Variants in TNKS2 observed in about 807,000 individuals in gnomAD.
TNKS2 encodes the protein poly [ADP-ribose] polymerase tankyrase-2.
Under a neutral mutation model 137.6 loss-of-function variants are expected in TNKS2, and 72 were observed. That is an observed-to-expected ratio of 0.52 (90% CI 0.43 to 0.64). The LOEUF (loss-of-function observed/expected upper bound fraction) is 0.64. TNKS2 is among the 30% of genes least tolerant of loss of function. The probability of loss-of-function intolerance (pLI) is 0.00; values close to 1 mark genes in which losing one functional copy is unlikely to be tolerated. For synonymous variants in TNKS2, 516 were observed against 512.1 expected (o/e 1.01, Z -0.10); for missense variants, 1,049 against 1,410.2 (o/e 0.74, Z 4.10).
At chr10:91,819,612 G>A in intron 5 of TNKS2, 55 bp downstream of exon 5, 1 of 1,292,924 alleles carries the variant, frequency 7.7e-7, no homozygotes, top group South Asian at 1.4e-5. Context: ...TGAAGATAAA[G>A]ATGTGTTTAT....
Position 91,862,939 on chromosome 10 carries a change from T to G in TNKS2, c.3441T>G (p.Ala1147=). 1 of 1,603,530 alleles carries G rather than the reference T, an allele frequency of 6.2e-7. No individual in the cohort carries two copies. Among genetic ancestry groups the G allele is most frequent in the Non-Finnish European group, 8.5e-7 (1 of 1,173,056 alleles). The change falls in exon 27 of 27, where the codon GCT becomes GCG. Residue 1147 remains alanine, a splice_region_variant and synonymous_variant. Coordinates refer to ENST00000371627, the MANE Select transcript of TNKS2 (RefSeq NM_025235.4). ...TTGAATTTATCTTTCTCTTCCAGGCTTATCCTGAGTATTTAATTACTTACC... is the reference window on the plus strand; with the variant it reads ...TTGAATTTATCTTTCTCTTCCAGGCGTATCCTGAGTATTTAATTACTTACC... The part of the protein sequence containing the change: ...AEYVIYRGEQ[A]YPEYLITYQI...
rs566255414 is a variant in TNKS2, at chr10:91,798,613, C to G, written c.-78C>G. ...CCTGAGCGCGTCTTCTCCGGGGGGC[C>G]TCGCCCTCCTGCTCGCGGGGCCGGG... On this transcript the variant is annotated 5_prime_UTR_variant, in exon 1 of 27. Transcript: ENST00000371627. 6 of 1,205,140 alleles carry G rather than the reference C, an allele frequency of 5.0e-6. No homozygotes were observed. The South Asian group carries it at 1.7e-4, about 34-fold the overall frequency. 74.7% of individuals were successfully genotyped at this position (1,205,140 alleles called of 1,614,324 possible).
At chr10:91,846,002 G>A (rs998444372) in intron 18 of TNKS2, 62 bp downstream of exon 18, 12 of 1,385,480 alleles carry the variant, frequency 8.7e-6, no homozygotes, top group Non-Finnish European at 1.1e-5. Flanking sequence ...TTCACTTGAT[G>A]TTATTATAAA....
chr10:91,846,270 C>T (rs1332705295), intron 18 of TNKS2, among the ~76,000 whole-genome samples: 3 of 152,138 alleles, frequency 2.0e-5, no homozygotes, highest in African/African-American at 2.4e-5. Flanking sequence ...GTGCATACAG[C>T]GCAGATGGTA....
intron 1 of TNKS2, among the ~76,000 whole-genome samples, chr10:91,807,612 CAA>C (rs1844368175): frequency 6.6e-6 from 1 of 152,210 alleles, no homozygotes; most frequent in African/African-American, 2.4e-5. Context: ...CAAATGTCAA[CAA>C]ATTGCTCTGT....
chr10:91,798,906 T>A lies in TNKS2; in HGVS notation c.199+17T>A. ...TCGCCGCAGGTAACCGGGGCCAGCGTCCCCTCGCCTCGCTCCAGACCCCAC... is the reference window on the plus strand; with the variant it reads ...TCGCCGCAGGTAACCGGGGCCAGCGACCCCTCGCCTCGCTCCAGACCCCAC... On this transcript the variant is annotated intron_variant, in intron 1 of 26. Coordinates refer to ENST00000371627, the MANE Select transcript of TNKS2 (RefSeq NM_025235.4). 1 of 1,374,766 alleles carries A rather than the reference T, an allele frequency of 7.3e-7. No homozygotes were observed. Among genetic ancestry groups the A allele is most frequent in the South Asian group, 1.7e-5 (1 of 58,996 alleles). 85.2% of individuals were successfully genotyped at this position (1,374,766 alleles called of 1,614,324 possible).
intron 12 of TNKS2, 71 bp from the exon 13 acceptor site, chr10:91,836,848 G>A: frequency 6.5e-7 from 1 of 1,537,870 alleles, no homozygotes; most frequent in Admixed American, 2.1e-5. Context: ...CTGATGAGAT[G>A]CCTTCCATAA....
chr10:91,849,898 T>C (rs990519977), intron 20 of TNKS2, among the ~76,000 whole-genome samples: 1 of 152,184 alleles, frequency 6.6e-6, no homozygotes, highest in Non-Finnish European at 1.5e-5. Context: ...CTGACACTTT[T>C]CTAGCTGCTA....
chr10:91,826,982 A>T, intron 7 of TNKS2, 35 bp from the exon 8 acceptor site: 2 of 1,449,006 alleles, frequency 1.4e-6, no homozygotes, highest in Non-Finnish European at 1.8e-6. Flanking sequence ...TTCTTTTAAA[A>T]ATTGAACATT....
chr10:91,804,466 A>G (rs772440129), intron 1 of TNKS2, among the ~76,000 whole-genome samples: 2 of 152,254 alleles, frequency 1.3e-5, no homozygotes, highest in African/African-American at 4.8e-5. Flanking sequence ...GTGCTGTTCC[A>G]TAATTACAAA....
chr10:91,848,374 G>A lies in TNKS2; in HGVS notation c.2359-9G>A, dbSNP rs370496142. On this transcript the variant is annotated splice_polypyrimidine_tract_variant and intron_variant, in intron 18 of 26. Transcript: ENST00000371627. ...TTATGGCAGATGTTGTCTCTGACAC[G>A]TACCCTAGGCGGATGATGTCAGCGC... 7.7e-4 allele frequency: 1,244 copies of A among 1,611,220 alleles called. 16 individuals are homozygous for A. In the South Asian group the frequency reaches 0.013, roughly 17 times the overall value.
chr10:91,840,521 T>G (rs983323833), intron 13 of TNKS2, 40 bp from the exon 14 acceptor site: 147 of 1,554,826 alleles, frequency 9.5e-5, no homozygotes, highest in Non-Finnish European at 1.2e-4. Flanking sequence ...AATAACAATA[T>G]GTAGATGTAG....
At chr10:91,835,945 C>G (rs1048537104) in intron 12 of TNKS2, among the ~76,000 whole-genome samples, 3 of 147,368 alleles carry the variant, frequency 2.0e-5, no homozygotes, top group African/African-American at 7.5e-5. Flanking sequence ...ATTTCTTGTT[C>G]ATGTCTTTAG....
intron 11 of TNKS2, 46 bp downstream of exon 11, chr10:91,831,227 T>C: frequency 6.5e-7 from 1 of 1,546,346 alleles, no homozygotes; most frequent in Non-Finnish European, 8.9e-7. Context: ...TGAGTTATTT[T>C]TTATTTAGCA....
chr10:91,814,000 AC>A (rs1844591636), intron 2 of TNKS2, among the ~76,000 whole-genome samples: 1 of 152,220 alleles, frequency 6.6e-6, no homozygotes, highest in South Asian at 2.1e-4. Flanking sequence ...TATTTACTAT[AC>A]TTTTTATTGT....
intron 11 of TNKS2, 129 bp from the exon 12 acceptor site, chr10:91,833,724 C>T (rs1841896996): frequency 1.5e-6 from 1 of 664,532 alleles, no homozygotes; most frequent in South Asian, 4.6e-5. Flanking sequence ...AAAATACTTG[C>T]TTTGGCATTG....
At chr10:91,848,758 G>C in intron 19 of TNKS2, 123 bp downstream of exon 19, 1 of 1,158,240 alleles carries the variant, frequency 8.6e-7, no homozygotes, top group Non-Finnish European at 1.2e-6. Context: ...AGTTAACATA[G>C]CCTTAAAAAG....
chr10:91,846,018 T>G lies in TNKS2; in HGVS notation c.2358+78T>G, dbSNP rs1589685163. 3 of 1,311,602 alleles carry G rather than the reference T, an allele frequency of 2.3e-6. No individual in the cohort carries two copies. The East Asian group carries it at 7.5e-5, about 33-fold the overall frequency. 81.2% of individuals were successfully genotyped at this position (1,311,602 alleles called of 1,614,324 possible). On this transcript the variant is annotated intron_variant, in intron 18 of 26. Transcript: ENST00000371627. ...TCACTTGATGTTATTATAAAATGTCTTTATAGTCAATGTGAATGGCAAAAT... is the reference window on the plus strand; with the variant it reads ...TCACTTGATGTTATTATAAAATGTCGTTATAGTCAATGTGAATGGCAAAAT...
At chr10:91,844,608 A>G (rs1302790766) in intron 16 of TNKS2, among the ~76,000 whole-genome samples, 1 of 152,244 alleles carries the variant, frequency 6.6e-6, no homozygotes, top group Admixed American at 6.5e-5. Flanking sequence ...AGGTTTTCAT[A>G]GGAAAGATAC....
Sources: allele counts gnomAD v4.1 joint callset (sites outside exome capture counted in the v4.1 genomes callset), GRCh38; gene constraint gnomAD v4.1.1; transcripts MANE v1.5; gene names NCBI Gene and HGNC (gene_info 2026-07-23, HGNC 2026-07-21).